RSPH4A: variants seen among roughly 807,000 people sequenced by gnomAD.
The protein encoded by RSPH4A is radial spoke head component 4A.
A neutral mutation model predicts 71.0 loss-of-function variants in RSPH4A; 47 were observed. The ratio of observed to expected loss-of-function variants is 0.66; its 90% confidence interval spans 0.52 to 0.84. RSPH4A has a LOEUF of 0.84. Ranked by LOEUF, RSPH4A falls within the 40% of genes least tolerant of loss-of-function variation. The pLI, the probability that RSPH4A is intolerant of heterozygous loss-of-function variation, is 0.00. For synonymous variants in RSPH4A, 282 were observed against 302.3 expected (o/e 0.93, Z 0.70); for missense variants, 793 against 855.2 (o/e 0.93, Z 0.91).
chr6:116,622,718 TC>T (rs1775629382), intron 1 of RSPH4A, 49 bp from the exon 2 acceptor site: 2 of 1,203,804 alleles, frequency 1.7e-6, no homozygotes, highest in African/African-American at 3.0e-5. Flanking sequence ...AAATGCTTCT[TC>T]AAATGCTCTT....
At chr6:116,617,356 G>T in intron 1 of RSPH4A, 47 bp downstream of exon 1, 2 of 1,352,962 alleles carry the variant, frequency 1.5e-6, no homozygotes, top group South Asian at 2.5e-5. Context: ...AAGCAAGAGG[G>T]TGTGTGAGTA....
Position 116,616,767 on chromosome 6 carries a change from G to A in RSPH4A, c.144G>A (p.Gly48=), listed in dbSNP as rs112350099. 1,023 of 1,614,152 alleles carry A rather than the reference G, an allele frequency of 6.3e-4. 8 individuals are homozygous for A. The African/African-American group carries it at 0.012, about 19-fold the overall frequency. Residue 48 remains glycine, a synonymous_variant, in exon 1 of 6, where the codon GGG becomes GGA. Coordinates refer to ENST00000229554, the MANE Select transcript of RSPH4A (RefSeq NM_001010892.3). ...CTGAGCCCTTGGAGGCGAAGCAGGG[G>A]CCAGAAACTGGACGCCAGTCCCGAA... ...ESSEPLEAKQ[G]PETGRQSRSS... is the part of the protein sequence containing the mutation.
rs886060994 is a variant in RSPH4A at position 116,630,479 on chromosome 6, C to G, written c.1843C>G (p.Leu615Val). 3.1e-6 allele frequency: 5 copies of G among 1,611,810 alleles called. No individual in the cohort carries two copies. Among genetic ancestry groups the G allele is most frequent in the Non-Finnish European group, 4.2e-6 (5 of 1,178,022 alleles). The change falls in exon 5 of 6, where the codon CTC becomes GTC. Residue 615 changes from leucine (L) to valine (V), a missense_variant. Coordinates refer to ENST00000229554, the MANE Select transcript of RSPH4A (RefSeq NM_001010892.3). ...PPWTTRLSSN[L>V]IPQYAIAVLQ... ...CTGGACAACACGGTTATCCTCAAAT[C>G]TCATTCCACAATATGCTATTGCAGT...
rs749366866 is a variant in RSPH4A, at chr6:116,627,965, GAAGA to G, written c.1262_1265del (p.Glu421ValfsTer21). On this transcript the variant is annotated frameshift_variant, in exon 3 of 6. Transcript: ENST00000229554. LOFTEE classifies it high-confidence loss of function. ...CAAGGCCCCACAGGCTATACCAAAA[GAAGA>G]AAGTAGAACAGGTGCCAACAAATAT... The G allele has an allele frequency of 1.9e-6, 3 of 1,614,076 alleles. No individual in the cohort carries two copies. Among genetic ancestry groups the G allele is most frequent in the Non-Finnish European group, 2.5e-6 (3 of 1,180,034 alleles).
chr6:116,619,594 T>G (rs1202897773), intron 1 of RSPH4A, among the ~76,000 whole-genome samples: 2 of 152,198 alleles, frequency 1.3e-5, no homozygotes, highest in Non-Finnish European at 2.9e-5. Context: ...TGGCAAATAT[T>G]TGCAGCTATT....
chr6:116,628,041 C>T lies in RSPH4A; in HGVS notation c.1334C>T (p.Pro445Leu), dbSNP rs139677155. The T allele has an allele frequency of 1.3e-4, 217 of 1,614,116 alleles. No homozygotes were observed. Among genetic ancestry groups the T allele is most frequent in the Non-Finnish European group, 1.7e-4 (204 of 1,180,012 alleles). The change falls in exon 3 of 6, where the codon CCA becomes CTA. Residue 445 changes from proline to leucine, a missense_variant. Coordinates refer to ENST00000229554, the MANE Select transcript of RSPH4A (RefSeq NM_001010892.3). ...CCAGGAAGACCATGGGTGAAGTTAC[C>T]ACCAGTTATACCTGCACAAATTGTT... is the stretch of plus-strand genomic sequence containing the variant. ...NEPGRPWVKL[P>L]PVIPAQIVIA...
chr6:116,631,395 A>T (rs1298281822), intron 5 of RSPH4A, among the ~76,000 whole-genome samples: 1 of 152,170 alleles, frequency 6.6e-6, no homozygotes, highest in African/African-American at 2.4e-5. Context: ...TCCCCCATGG[A>T]ATGGCCCTCT....
In RSPH4A at chr6:116,627,744, A is replaced by T; in HGVS notation, c.1037A>T (p.Asp346Val). ...TTTCTTGCCCTCAAGCAGCTTACTG[A>T]TACCCACCCAATCCAAAGATGCCGC... ...RIFLALKQLT[D>V]THPIQRCRFW... The change falls in exon 3 of 6, where the codon GAT (aspartate) becomes GTT (valine). Residue 346 changes from aspartate (D) to valine (V), a missense_variant. Transcript: ENST00000229554. 2 of 1,614,174 alleles carry T rather than the reference A, an allele frequency of 1.2e-6. No homozygotes were observed. The highest frequency in any genetic ancestry group is 1.7e-6 in the Non-Finnish European group (2 of 1,180,028).
chr6:116,630,208 T>G (rs1775769995), intron 4 of RSPH4A, among the ~76,000 whole-genome samples: 1 of 152,178 alleles, frequency 6.6e-6, no homozygotes, highest in African/African-American at 2.4e-5. Flanking sequence ...CTTCTTGTCT[T>G]GTTTGCAAAA....
intron 4 of RSPH4A, among the ~76,000 whole-genome samples, chr6:116,630,045 C>T (rs1775767426): frequency 6.6e-6 from 1 of 152,288 alleles, no homozygotes; most frequent in Admixed American, 6.5e-5. Context: ...TTTAAAAACT[C>T]TACTCTCATT....
At chr6:116,619,448 T>G (rs1248480306) in intron 1 of RSPH4A, among the ~76,000 whole-genome samples, 1 of 152,210 alleles carries the variant, frequency 6.6e-6, no homozygotes, top group African/African-American at 2.4e-5. Context: ...AGAAGCGGTA[T>G]GAGACTTATG....
In RSPH4A at chr6:116,622,923, A is replaced by G. The variant is rs1775634033; in HGVS notation, c.842A>G (p.Tyr281Cys). The G allele has an allele frequency of 2.5e-6, 4 of 1,614,030 alleles. No homozygotes were observed. Among genetic ancestry groups the G allele is most frequent in the Non-Finnish European group, 2.5e-6 (3 of 1,179,912 alleles). The change falls in exon 2 of 6, where the codon TAT becomes TGT. Residue 281 changes from tyrosine (Y) to cysteine (C), a missense_variant. Transcript: ENST00000229554. ...LQNENELLPT[Y>C]EIAEKQKALF... ...AATGAGAATGAGTTGCTTCCAACAT[A>G]TGAAATAGCAGAAAAGCAAAAGGCT...
At chr6:116,617,460 A>G (rs1775530842) in intron 1 of RSPH4A, 151 bp downstream of exon 1, 1 of 635,106 alleles carries the variant, frequency 1.6e-6, no homozygotes, top group Non-Finnish European at 2.7e-6. Flanking sequence ...TCTGGATCAC[A>G]TGACTCAAAA....
chr6:116,622,549 G>T (rs1413086412), intron 1 of RSPH4A, among the ~76,000 whole-genome samples: 1 of 152,156 alleles, frequency 6.6e-6, no homozygotes, highest in Non-Finnish European at 1.5e-5. Flanking sequence ...AATCTCTGAA[G>T]ACTTCAAGTT....
At chr6:116,621,114 C>G (rs1312911274) in intron 1 of RSPH4A, among the ~76,000 whole-genome samples, 2 of 152,166 alleles carry the variant, frequency 1.3e-5, no homozygotes, top group East Asian at 3.8e-4. Context: ...CCACCTCAGG[C>G]TCCCAGAGTG....
Position 116,617,210 on chromosome 6 carries a change from C to T in RSPH4A, c.587C>T (p.Ala196Val), listed in dbSNP as rs769643510. The T allele has an allele frequency of 1.2e-5, 19 of 1,614,112 alleles. 1 individual carries two copies. The highest frequency in any genetic ancestry group is 5.5e-5 in the South Asian group (5 of 91,076). ...SNSDYDLQQPAPGGSEVAPSM... is the reference protein window; with the variant it reads ...SNSDYDLQQPVPGGSEVAPSM... ...AGTGACTATGATTTACAGCAGCCGG[C>T]GCCTGGGGGCTCTGAAGTGGCCCCC... is the stretch of plus-strand genomic sequence containing the variant. The change falls in exon 1 of 6, where the codon GCG becomes GTG. Residue 196 changes from alanine to valine, a missense_variant. Transcript: ENST00000229554.
intron 2 of RSPH4A, among the ~76,000 whole-genome samples, chr6:116,626,835 A>G (rs1319480212): frequency 3.9e-5 from 6 of 152,170 alleles, no homozygotes; most frequent in Admixed American, 3.9e-4. Context: ...TATTTATTCC[A>G]TACATTACAT....
At chr6:116,628,652 C>T (rs1775741221) in intron 3 of RSPH4A, among the ~76,000 whole-genome samples, 1 of 152,048 alleles carries the variant, frequency 6.6e-6, no homozygotes, top group Non-Finnish European at 1.5e-5. Flanking sequence ...AGATGATGTA[C>T]AGATTTAGAT....
rs191463106 is a variant in RSPH4A at position 116,624,322 on chromosome 6, G to A, written c.921+1320G>A. 1.2e-4 allele frequency among the ~76,000 whole-genome samples: 18 copies of A among 152,294 alleles called. No homozygotes were observed. In the East Asian group the frequency reaches 3.1e-3, roughly 26 times the overall value. On this transcript the variant is annotated intron_variant, in intron 2 of 5. Coordinates refer to ENST00000229554, the MANE Select transcript of RSPH4A (RefSeq NM_001010892.3). ...CCATATCCAGTGATGATGAGTCTGG[G>A]AGCAAACAGCATATGGAGATGAGGC...
Sources: allele counts gnomAD v4.1 joint callset (sites outside exome capture counted in the v4.1 genomes callset), GRCh38; gene constraint gnomAD v4.1.1; transcripts MANE v1.5; gene names NCBI Gene and HGNC (gene_info 2026-07-23, HGNC 2026-07-21).